HTR2C: variants seen among roughly 807,000 people sequenced by gnomAD.
HTR2C encodes the protein 5-hydroxytryptamine (serotonin) receptor 2C, G protein-coupled.
In HTR2C, 5 loss-of-function variants were observed where a neutral mutation model predicts 21.0. The observed-to-expected ratio is 0.24, with a 90% CI of 0.12 to 0.50. HTR2C has a LOEUF of 0.50. HTR2C is among the 20% of genes least tolerant of loss of function. The pLI, the probability that HTR2C is intolerant of heterozygous loss-of-function variation, is 0.98. For synonymous variants in HTR2C, 150 were observed against 145.3 expected, an observed-to-expected ratio of 1.03 and a Z score of -0.23; for missense variants, 271 against 371.2, an observed-to-expected ratio of 0.73 and a Z score of 2.22.
intron 4 of HTR2C, among the ~76,000 whole-genome samples, chrX:114,823,968 G>GA (rs1556457342): frequency 8.9e-6 from 1 of 111,913 alleles, no homozygotes; most frequent in Non-Finnish European, 1.9e-5. Flanking sequence ...ATCCTGAAAA[G>GA]CAGCCTAGAA....
chrX:114,720,201 T>A (rs1556420413), intron 2 of HTR2C, among the ~76,000 whole-genome samples: 2 of 110,974 alleles, frequency 1.8e-5, no homozygotes, highest in East Asian at 2.8e-4. Context: ...TCTCTCTCTC[T>A]CACACAGAAT....
At chrX:114,762,374 T>C (rs782341793) in intron 4 of HTR2C, among the ~76,000 whole-genome samples, 3 of 111,075 alleles carry the variant, frequency 2.7e-5, no homozygotes, top group South Asian at 7.6e-4. Flanking sequence ...GGAGTCCAAG[T>C]TGTCCTAAAT....
In HTR2C at chrX:114,830,987, A is replaced by G. The variant is rs868986405; in HGVS notation, c.350-17016A>G. On this transcript the variant is annotated intron_variant, in intron 4 of 5. Coordinates refer to ENST00000276198, the MANE Select transcript of HTR2C (RefSeq NM_000868.4). The stretch of plus-strand genomic sequence containing the variant: ...CTCGCGATAGTTTACTGAGAATGAT[A>G]ATTTCCAATTTCATCCATGTCCCTA... Among the ~76,000 whole-genome samples, 445 of 83,507 alleles carry G rather than the reference A, an allele frequency of 5.3e-3. 4 individuals are homozygous for G. Among genetic ancestry groups the G allele is most frequent in the African/African-American group, 0.017 (412 of 24,380 alleles). 72.5% of individuals were successfully genotyped at this position (83,507 alleles called of 115,157 possible). A position where few individuals can be genotyped will look rare whatever the true frequency, so the allele number is the denominator to read the frequency against.
At chrX:114,789,703 A>G (rs1285106320) in intron 4 of HTR2C, among the ~76,000 whole-genome samples, 1 of 111,334 alleles carries the variant, frequency 9.0e-6, no homozygotes, top group Non-Finnish European at 1.9e-5. Context: ...AATATTGATA[A>G]GAAGGATAAG....
intron 4 of HTR2C, among the ~76,000 whole-genome samples, chrX:114,780,535 A>G (rs1193269184): frequency 9.0e-6 from 1 of 111,540 alleles, no homozygotes; most frequent in Non-Finnish European, 1.9e-5. Flanking sequence ...GTAAACATGA[A>G]CCACAACCTC....
At chrX:114,849,642 A>G (rs1556468656) in intron 5 of HTR2C, among the ~76,000 whole-genome samples, 3 of 111,947 alleles carry the variant, frequency 2.7e-5, no homozygotes, top group African/African-American at 9.7e-5. Flanking sequence ...AAAACCAGAC[A>G]CTAGGAATAA....
chrX:114,851,937 C>G (rs1556469394), intron 5 of HTR2C, among the ~76,000 whole-genome samples: 1 of 111,051 alleles, frequency 9.0e-6, no homozygotes, highest in Non-Finnish European at 1.9e-5. Flanking sequence ...TTGCTACTTT[C>G]CAATTCTTTA....
chrX:114,744,456 CTTT>C (rs782167644), intron 4 of HTR2C, among the ~76,000 whole-genome samples: 12 of 94,563 alleles, frequency 1.3e-4, no homozygotes, highest in Admixed American at 2.3e-4. Context: ...AAAGCTCATT[CTTT>C]TTTTTTTTTT....
chrX:114,584,137 G>C lies in HTR2C; in HGVS notation c.-669G>C, dbSNP rs1927282538. 1.8e-5 allele frequency: 2 copies of C among 112,455 alleles called. No individual in the cohort carries two copies. Among genetic ancestry groups the C allele is most frequent in the Admixed American group, 9.4e-5 (1 of 10,648 alleles). The allele number at this position is 112,455 out of a possible 1,213,427, so 9.3% of individuals were successfully genotyped here. On this transcript the variant is annotated 5_prime_UTR_variant, in exon 1 of 6. Transcript: ENST00000276198. ...GGACGCTTCCTTCCTCAGATGCACC[G>C]ATCTTCCCGATACTGCCTTTGGAGC...
At chrX:114,839,441 C>G (rs1556464939) in intron 4 of HTR2C, among the ~76,000 whole-genome samples, 1 of 111,750 alleles carries the variant, frequency 8.9e-6, no homozygotes, top group South Asian at 3.7e-4. Flanking sequence ...AATCCCAGCA[C>G]TTTGGGAAGC....
chrX:114,600,058 CAAAT>C (rs1412177573), intron 1 of HTR2C, among the ~76,000 whole-genome samples: 2 of 111,448 alleles, frequency 1.8e-5, no homozygotes. Context: ...AAGGAATCAA[CAAAT>C]ATTGAGCCCT....
At chrX:114,820,291 G>C (rs1381847260) in intron 4 of HTR2C, among the ~76,000 whole-genome samples, 1 of 109,964 alleles carries the variant, frequency 9.1e-6, no homozygotes, top group Admixed American at 9.8e-5. Flanking sequence ...GGAATGGAAT[G>C]TATAATAGTC....
At chrX:114,817,492 GA>G (rs782660778) in intron 4 of HTR2C, among the ~76,000 whole-genome samples, 22 of 112,122 alleles carry the variant, frequency 2.0e-4, no homozygotes, top group Non-Finnish European at 3.6e-4. Context: ...TCGGGACTTT[GA>G]AAATTAACTA....
At chrX:114,719,535 C>A (rs895705172) in intron 2 of HTR2C, among the ~76,000 whole-genome samples, 1 of 111,260 alleles carries the variant, frequency 9.0e-6, no homozygotes, top group African/African-American at 3.3e-5. Flanking sequence ...GAAACTCTTA[C>A]CACCAGTTCA....
chrX:114,743,359 C>G (rs921689355), intron 4 of HTR2C, among the ~76,000 whole-genome samples: 1 of 111,182 alleles, frequency 9.0e-6, no homozygotes, highest in African/African-American at 3.3e-5. Flanking sequence ...AAAGCAGCTA[C>G]TGTTACAATA....
rs782531074 is a variant in HTR2C at position 114,704,997 on chromosome X, T to C, written c.-79-21861T>C. Among the ~76,000 whole-genome samples the C allele has an allele frequency of 9.9e-3, 1,059 of 107,034 alleles. 13 individuals are homozygous for C. The highest frequency in any genetic ancestry group is 0.034 in the African/African-American group (986 of 29,393). The allele number at this position is 107,034 out of a possible 115,157, so 92.9% of individuals were successfully genotyped here. A position where few individuals can be genotyped will look rare whatever the true frequency, so the allele number is the denominator to read the frequency against. Reference sequence around the variant, plus strand: ...ATAAAATACCTAGGAATCCAACTTATAAGGGATGTGAAGGACCTCTTCAAG... The same window carrying C: ...ATAAAATACCTAGGAATCCAACTTACAAGGGATGTGAAGGACCTCTTCAAG... On this transcript the variant is annotated intron_variant, in intron 2 of 5. Transcript: ENST00000276198.
intron 4 of HTR2C, among the ~76,000 whole-genome samples, chrX:114,757,779 C>A (rs782756916): frequency 9.8e-5 from 11 of 111,953 alleles, no homozygotes; most frequent in African/African-American, 3.6e-4. Flanking sequence ...AATTTGCAAT[C>A]ATCATTTTAT....
rs781973603 is a variant in HTR2C at position 114,835,661 on chromosome X, G to A, written c.350-12342G>A. 4.0e-4 allele frequency among the ~76,000 whole-genome samples: 44 copies of A among 111,280 alleles called. No individual in the cohort carries two copies. The South Asian group carries it at 6.8e-3, about 17-fold the overall frequency. ...TTGCCTTTGGTCTGAATGTCCTCCC[G>A]TAGCTCAGAGTAATTTGATCGTCTG... On this transcript the variant is annotated intron_variant, in intron 4 of 5. Transcript: ENST00000276198.
intron 5 of HTR2C, among the ~76,000 whole-genome samples, chrX:114,855,438 C>A (rs1255745582): frequency 9.0e-6 from 1 of 110,817 alleles, no homozygotes; most frequent in African/African-American, 3.3e-5. Flanking sequence ...TCTTCATCAA[C>A]CTTAATGGAA....
Sources: gnomAD v4.1 joint callset for allele counts (sites outside exome capture counted in the v4.1 genomes callset) on GRCh38, gnomAD v4.1.1 for gene constraint, MANE v1.5 for transcripts, NCBI Gene and HGNC (gene_info 2026-07-23, HGNC 2026-07-21) for gene names.